The following ABR variants were observed in gnomAD, a reference collection of about 807,000 sequenced individuals.
ABR encodes ABR activator of RhoGEF and GTPase.
A neutral mutation model predicts 107.2 loss-of-function variants in ABR; 35 were observed. The ratio of observed to expected loss-of-function variants is 0.33; its 90% CI spans 0.25 to 0.43. The LOEUF (loss-of-function observed/expected upper bound fraction) is 0.43, where lower values mean the gene tolerates loss of function less well. Among genes scored for constraint, ABR ranks in the 20% least tolerant of loss-of-function variants. The pLI, the probability that ABR is intolerant of heterozygous loss-of-function variation, is 1.00. For missense variants in ABR, 815 were observed against 1,115.2 expected (o/e 0.73, Z 3.83); for synonymous variants, 498 against 462.0 (o/e 1.08, Z -1.00).
chr17:1,006,851 C>T (rs9896501), intron 22 of ABR, among the ~76,000 whole-genome samples: 1 of 2,726 alleles, frequency 3.7e-4, no homozygotes, highest in African/African-American at 2.9e-3. Context: ...TGCGCCATGA[C>T]GTCATGGGAC....
At chr17:1,176,479 A>C (rs1184689633) in intron 1 of ABR, among the ~76,000 whole-genome samples, 1 of 152,226 alleles carries the variant, frequency 6.6e-6, no homozygotes, top group African/African-American at 2.4e-5. Context: ...TCTATGATTT[A>C]TGCTAACTGA....
intron 2 of ABR, among the ~76,000 whole-genome samples, chr17:1,101,827 G>A (rs1490398197): frequency 9.9e-5 from 15 of 151,476 alleles, no homozygotes; most frequent in Middle Eastern, 3.4e-3. Flanking sequence ...TCCGCCTCCC[G>A]GGTTCACGCC....
At position 1,013,011 on chromosome 17, in the gene ABR, C is replaced by A. The variant is rs1234096999; in HGVS notation, c.1851+94G>T. 2.7e-6 allele frequency: 4 copies of A among 1,471,466 alleles called. No individual in the cohort carries two copies. In the South Asian group the frequency reaches 4.5e-5, roughly 17 times the overall value. The allele number at this position is 1,471,466 out of a possible 1,614,324, so 91.2% of individuals were successfully genotyped here. A position where few individuals can be genotyped will look rare whatever the true frequency, so the allele number is the denominator to read the frequency against. On this transcript the variant is annotated intron_variant, in intron 17 of 22. Coordinates refer to ENST00000302538, the MANE Select transcript of ABR (RefSeq NM_021962.5). Reference sequence around the variant, plus strand: ...CGGGGAGGTCGAGGCGGCACAGCGGCCCCAGGAGCAGCCACAGGGCCGGGC... The same window carrying A: ...CGGGGAGGTCGAGGCGGCACAGCGGACCCAGGAGCAGCCACAGGGCCGGGC...
intron 2 of ABR, among the ~76,000 whole-genome samples, chr17:1,124,548 G>A (rs751509628): frequency 5.3e-5 from 8 of 152,270 alleles, no homozygotes; most frequent in Non-Finnish European, 8.8e-5. Context: ...CCAGGAACAC[G>A]TTAATGACAA....
At chr17:1,056,828 T>C (rs1382251502) in intron 13 of ABR, among the ~76,000 whole-genome samples, 170 bp downstream of exon 13, 1 of 152,122 alleles carries the variant, frequency 6.6e-6, no homozygotes, top group Non-Finnish European at 1.5e-5. Flanking sequence ...GGGAACTCAG[T>C]AGACAGTCAC....
chr17:1,160,431 C>T lies in ABR; in HGVS notation c.61+19236G>A, dbSNP rs1201342592. The stretch of plus-strand genomic sequence containing the variant: ...TACACCCCAAATTCAGATGAGGAAA[C>T]AGGCTCAAAGATGTAACAGCTTCAT... On this transcript the variant is annotated intron_variant, in intron 1 of 22. Coordinates refer to ENST00000302538, the MANE Select transcript of ABR (RefSeq NM_021962.5). Among the ~76,000 whole-genome samples, 2 of 152,176 alleles carry T rather than the reference C, an allele frequency of 1.3e-5. 1 individual carries two copies. The highest frequency in any genetic ancestry group is 2.9e-5 in the Non-Finnish European group (2 of 68,028).
In ABR at chr17:1,060,185, C is replaced by T. The variant is rs150540710; in HGVS notation, c.1183-1318G>A. Among the ~76,000 whole-genome samples, 569 of 151,980 alleles carry T rather than the reference C, an allele frequency of 3.7e-3. 9 individuals carry two copies. In the East Asian group the frequency reaches 0.043, roughly 11 times the overall value. On this transcript the variant is annotated intron_variant, in intron 10 of 22. Coordinates refer to ENST00000302538, the MANE Select transcript of ABR (RefSeq NM_021962.5). ...CAGCACTTTGGGAGGCCGAGGTGGG[C>T]GGATCGTTTGAGGTCAGGAGTTCGA... is the stretch of plus-strand genomic sequence containing the variant.
At chr17:1,081,516 C>T (rs926995932) in intron 5 of ABR, among the ~76,000 whole-genome samples, 1 of 152,190 alleles carries the variant, frequency 6.6e-6, no homozygotes. Flanking sequence ...GGGTAAGAGG[C>T]GTGGGCTCTG....
chr17:1,018,233 G>C (rs4968143), intron 16 of ABR, among the ~76,000 whole-genome samples: 1 of 151,534 alleles, frequency 6.6e-6, no homozygotes, highest in Non-Finnish European at 1.5e-5. Context: ...TAGTAGAGAC[G>C]GGGTTTCACC....
At chr17:1,219,470 G>A (rs1033984194) in intron 1 of ABR, among the ~76,000 whole-genome samples, 6 of 150,952 alleles carry the variant, frequency 4.0e-5, no homozygotes, top group Admixed American at 6.6e-5. Flanking sequence ...TGCATAAGCC[G>A]TCAAGACTGA....
At chr17:1,151,459 C>G (rs1597984064) in intron 1 of ABR, among the ~76,000 whole-genome samples, 1 of 152,310 alleles carries the variant, frequency 6.6e-6, no homozygotes, top group East Asian at 1.9e-4. Context: ...CCAACTGCTT[C>G]CTGGGCGTGA....
intron 17 of ABR, 64 bp downstream of exon 17, chr17:1,013,041 C>T (rs2070766774): frequency 6.3e-7 from 1 of 1,588,142 alleles, no homozygotes; most frequent in Non-Finnish European, 8.6e-7. Context: ...CCGGGCTGCC[C>T]ACCTGCTGCA....
intron 16 of ABR, among the ~76,000 whole-genome samples, chr17:1,023,443 A>C: frequency 6.6e-6 from 1 of 152,226 alleles, no homozygotes; most frequent in East Asian, 1.9e-4. Flanking sequence ...TGGGCTACAA[A>C]TACCAGCCAG....
At chr17:1,006,263 T>A (rs548771101) in intron 22 of ABR, 94 bp from the exon 23 acceptor site, 1 of 1,165,364 alleles carries the variant, frequency 8.6e-7, no homozygotes, top group African/African-American at 1.5e-5. Flanking sequence ...CTCCCTAGAC[T>A]GGCTCCGGCC....
At chr17:1,123,287 A>G (rs1269093158) in intron 2 of ABR, among the ~76,000 whole-genome samples, 1 of 152,168 alleles carries the variant, frequency 6.6e-6, no homozygotes, top group African/African-American at 2.4e-5. Context: ...TCGATGGTGT[A>G]AACATCAACC....
chr17:1,078,808 G>A lies in ABR; in HGVS notation c.700+522C>T. On this transcript the variant is annotated intron_variant, in intron 6 of 22. Transcript: ENST00000302538. The surrounding 1 kb of genome is among the most constrained non-coding windows in gnomAD (Gnocchi z 7.5). ...CGCCACCTCCCACAGCGAGCACCTG[G>A]GTTACCATAGGTGCAGTTACAGCAG... The A allele has an allele frequency of 2.0e-6, 3 of 1,535,414 alleles. No homozygotes were observed. Among genetic ancestry groups the A allele is most frequent in the Non-Finnish European group, 1.7e-6 (2 of 1,146,732 alleles).
rs534830918 is a variant in ABR, at chr17:1,076,288, A to T, written c.701-2611T>A. On this transcript the variant is annotated intron_variant, in intron 6 of 22. Coordinates refer to ENST00000302538, the MANE Select transcript of ABR (RefSeq NM_021962.5). Reference sequence around the variant, plus strand: ...CAGAGACCCTCCCCATGGGCCATGGAAGCTTGAAGGAATGAGGCCAGTCTT... The same window carrying T: ...CAGAGACCCTCCCCATGGGCCATGGTAGCTTGAAGGAATGAGGCCAGTCTT... 3.3e-5 allele frequency among the ~76,000 whole-genome samples: 5 copies of T among 152,260 alleles called. No individual in the cohort carries two copies. In the South Asian group the frequency reaches 1.0e-3, roughly 32 times the overall value.
intron 1 of ABR, among the ~76,000 whole-genome samples, chr17:1,194,685 G>T (rs1313106498): frequency 8.6e-6 from 1 of 116,872 alleles, no homozygotes; most frequent in Non-Finnish European, 1.8e-5. Flanking sequence ...ATGGAGTCTC[G>T]CTCTGTTGCC....
At chr17:1,045,951 A>C (rs929265697) in intron 16 of ABR, among the ~76,000 whole-genome samples, 1 of 151,662 alleles carries the variant, frequency 6.6e-6, no homozygotes, top group African/African-American at 2.4e-5. Flanking sequence ...GCTCACTACA[A>C]CCTCCACCTC....
Sources: gnomAD v4.1 joint callset for allele counts (sites outside exome capture counted in the v4.1 genomes callset) on GRCh38, gnomAD v4.1.1 for gene constraint, Gnocchi (gnomAD v3.1) non-coding constraint, MANE v1.5 for transcripts, NCBI Gene and HGNC (gene_info 2026-07-23, HGNC 2026-07-21) for gene names.